AMMECR1L: variants seen among roughly 807,000 people sequenced by gnomAD.
AMMECR1L encodes the protein AMMECR1-like protein.
AMMECR1L carries 4 observed loss-of-function variants against 36.8 expected under a neutral mutation model. The ratio of observed to expected loss-of-function variants is 0.11; its 90% confidence interval spans 0.05 to 0.25. The LOEUF is 0.25. AMMECR1L is among the 10% of genes least tolerant of loss of function. The pLI is 1.00. For synonymous variants in AMMECR1L, 147 were observed against 148.0 expected (o/e 0.99, Z 0.05); for missense variants, 232 against 392.1 (o/e 0.59, Z 3.45).
At chr2:127,879,640 C>A (rs1050125377) in intron 2 of AMMECR1L, among the ~76,000 whole-genome samples, 5 of 152,130 alleles carry the variant, frequency 3.3e-5, no homozygotes, top group Admixed American at 2.0e-4. Context: ...TAAACATCAA[C>A]CACTATCAAC....
At position 127,870,940 on chromosome 2, in the gene AMMECR1L, C is replaced by G; in HGVS notation, c.519-12G>C. The G allele has an allele frequency of 6.2e-7, 1 of 1,601,068 alleles. No individual in the cohort carries two copies. Among genetic ancestry groups the G allele is most frequent in the Non-Finnish European group, 8.5e-7 (1 of 1,171,748 alleles). On this transcript the variant is annotated splice_polypyrimidine_tract_variant and intron_variant, in intron 4 of 7. Transcript: ENST00000272647. ...TGTCCTTAAGTGCACTGGAGGGGGA[C>G]AGAAAACATAGGTAAGGCTGCTCTG...
At chr2:127,885,629 C>T (rs1296875467) in intron 1 of AMMECR1L, 181 bp downstream of exon 1, 4 of 983,474 alleles carry the variant, frequency 4.1e-6, no homozygotes, top group East Asian at 2.3e-4. Context: ...GAGGCCCCGC[C>T]CGCCGCCCGG....
At chr2:127,877,553 C>CT (rs1188712495) in intron 2 of AMMECR1L, among the ~76,000 whole-genome samples, 1 of 152,090 alleles carries the variant, frequency 6.6e-6, no homozygotes, top group Admixed American at 6.6e-5. Context: ...CCAGGCTGGT[C>CT]TTGAACTCCT....
rs1352984970 is a variant in AMMECR1L at position 127,872,722 on chromosome 2, G to C, written c.407+1106C>G. 2.0e-5 allele frequency among the ~76,000 whole-genome samples: 3 copies of C among 152,264 alleles called. No homozygotes were observed. The South Asian group carries it at 6.2e-4, about 32-fold the overall frequency. Reference sequence around the variant, plus strand: ...ATTGCCTGCAGGATGGAAATGCAAAGCCTTGAATACAACAGTCTAAACCTT... The same window carrying C: ...ATTGCCTGCAGGATGGAAATGCAAACCCTTGAATACAACAGTCTAAACCTT... On this transcript the variant is annotated intron_variant, in intron 3 of 7. Coordinates refer to ENST00000272647, the MANE Select transcript of AMMECR1L (RefSeq NM_001199140.2).
At chr2:127,867,690 G>T (rs1690752334) in intron 6 of AMMECR1L, among the ~76,000 whole-genome samples, 1 of 152,026 alleles carries the variant, frequency 6.6e-6, no homozygotes, top group Non-Finnish European at 1.5e-5. Flanking sequence ...AGACTGCAGT[G>T]AGCCAGGATC....
intron 6 of AMMECR1L, among the ~76,000 whole-genome samples, chr2:127,867,919 C>A (rs899911670): frequency 1.4e-4 from 21 of 152,344 alleles, no homozygotes; most frequent in African/African-American, 4.8e-4. Flanking sequence ...GTCACCCAGG[C>A]TGAAGCGCAG....
Position 127,874,332 on chromosome 2 carries a change from AC to A in AMMECR1L, c.-38-61del. On this transcript the variant is annotated intron_variant, in intron 2 of 7. Coordinates refer to ENST00000272647, the MANE Select transcript of AMMECR1L (RefSeq NM_001199140.2). The surrounding 1 kb of genome is among the most constrained non-coding windows in gnomAD (Gnocchi z 5.2). ...TGGTTAGTTAAAAGGAGAGGAAAAA[AC>A]ATCAAAGATAGAGAGTCTGCATTGA... 1 of 1,467,456 alleles carries A rather than the reference AC, an allele frequency of 6.8e-7. No individual in the cohort carries two copies. The highest frequency in any genetic ancestry group is 9.1e-7 in the Non-Finnish European group (1 of 1,094,016). The allele number at this position is 1,467,456 out of a possible 1,614,324, so 90.9% of individuals were successfully genotyped here.
chr2:127,875,520 A>AAATTAC (rs1462197797), intron 2 of AMMECR1L, among the ~76,000 whole-genome samples: 1 of 152,174 alleles, frequency 6.6e-6, no homozygotes. Context: ...TAAATTCTTC[A>AAATTAC]ACCTTTTAAA....
intron 3 of AMMECR1L, among the ~76,000 whole-genome samples, chr2:127,872,049 C>T (rs1168164745): frequency 6.6e-6 from 1 of 151,744 alleles, no homozygotes; most frequent in African/African-American, 2.4e-5. Context: ...ATTGGCTGGG[C>T]GTGGTGGCAG....
intron 2 of AMMECR1L, among the ~76,000 whole-genome samples, chr2:127,879,506 T>A (rs752258579): frequency 1.6e-4 from 25 of 152,188 alleles, no homozygotes; most frequent in Non-Finnish European, 2.5e-4. Flanking sequence ...CCTGAGCCAA[T>A]TAAGCCTTTT....
At chr2:127,866,113 A>G (rs1350138102) in intron 7 of AMMECR1L, among the ~76,000 whole-genome samples, 1 of 152,212 alleles carries the variant, frequency 6.6e-6, no homozygotes, top group Non-Finnish European at 1.5e-5. Flanking sequence ...CTGTGAGATT[A>G]GTATATGATT....
Position 127,869,438 on chromosome 2 carries a change from C to G in AMMECR1L, c.724+16G>C. The G allele has an allele frequency of 6.2e-7, 1 of 1,600,488 alleles. No individual in the cohort carries two copies. The highest frequency in any genetic ancestry group is 8.6e-7 in the Non-Finnish European group (1 of 1,167,548). ...TGAATGATACTTGTCATTAAAATCC[C>G]ATTCATCCAACTCACCTTGTTCCTT... is the stretch of plus-strand genomic sequence containing the variant. On this transcript the variant is annotated intron_variant, in intron 6 of 7. Transcript: ENST00000272647. The surrounding 1 kb of genome is among the most constrained non-coding windows in gnomAD (Gnocchi z 4.7).
Position 127,862,849 on chromosome 2 carries a change from T to C in AMMECR1L, c.*2245A>G, listed in dbSNP as rs963004774. 1 of 151,922 alleles carries C rather than the reference T, an allele frequency of 6.6e-6. No homozygotes were observed. The highest frequency in any genetic ancestry group is 1.5e-5 in the Non-Finnish European group (1 of 67,992). 9.4% of individuals were successfully genotyped at this position (151,922 alleles called of 1,614,324 possible). ...TCTATTCATTTTCTTAAATGGCAGG[T>C]ATCGTACCCCCCCTCGATAAAATAA... On this transcript the variant is annotated 3_prime_UTR_variant, in exon 8 of 8. Transcript: ENST00000272647.
chr2:127,869,612 T>A lies in AMMECR1L; in HGVS notation c.634-68A>T. 7.7e-7 allele frequency: 1 copy of A among 1,291,106 alleles called. No homozygotes were observed. The highest frequency in any genetic ancestry group is 1.1e-6 in the Non-Finnish European group (1 of 888,172). 80.0% of individuals were successfully genotyped at this position (1,291,106 alleles called of 1,614,324 possible). On this transcript the variant is annotated intron_variant, in intron 5 of 7. Transcript: ENST00000272647. The surrounding 1 kb of genome is among the most constrained non-coding windows in gnomAD (Gnocchi z 4.7). ...CTAATGGAACTTCAGTCCCCACATA[T>A]AAATCAACATTGTTCCCTGACCAGC...
chr2:127,862,159 A>C lies in AMMECR1L; in HGVS notation c.*2935T>G, dbSNP rs530015419. ...TTCATAATTACAGAGAGAATGTCCT[A>C]GCTGTGGGTATTATGAGACAAGCCA... On this transcript the variant is annotated 3_prime_UTR_variant, in exon 8 of 8. Coordinates refer to ENST00000272647, the MANE Select transcript of AMMECR1L (RefSeq NM_001199140.2). 5.2e-5 allele frequency: 8 copies of C among 153,884 alleles called. No individual in the cohort carries two copies. In the East Asian group the frequency reaches 1.3e-3, roughly 26 times the overall value. The allele number at this position is 153,884 out of a possible 1,614,324, so 9.5% of individuals were successfully genotyped here.
intron 2 of AMMECR1L, among the ~76,000 whole-genome samples, chr2:127,877,762 T>C (rs2104771721): frequency 6.6e-6 from 1 of 152,234 alleles, no homozygotes; most frequent in East Asian, 1.9e-4. Context: ...AAAAAATAAA[T>C]AAATAAATTC....
In AMMECR1L at chr2:127,873,265, T is replaced by C; in HGVS notation, c.407+563A>G. 1.0e-6 allele frequency: 1 copy of C among 985,448 alleles called. No individual in the cohort carries two copies. The highest frequency in any genetic ancestry group is 1.2e-6 in the Non-Finnish European group (1 of 829,938). The allele number at this position is 985,448 out of a possible 1,614,324, so 61.0% of individuals were successfully genotyped here. On this transcript the variant is annotated intron_variant, in intron 3 of 7. Coordinates refer to ENST00000272647, the MANE Select transcript of AMMECR1L (RefSeq NM_001199140.2). This position sits in a 1 kb window ranked among gnomAD's most constrained non-coding sequence, Gnocchi z 5.2. ...TGCTTATTTAAGTCACTGAGACCAGTAGAGGGCTTGGGACAAGCAACAAAG... is the reference window on the plus strand; with the variant it reads ...TGCTTATTTAAGTCACTGAGACCAGCAGAGGGCTTGGGACAAGCAACAAAG...
chr2:127,879,925 G>A (rs775850450), intron 2 of AMMECR1L, among the ~76,000 whole-genome samples: 7 of 152,138 alleles, frequency 4.6e-5, no homozygotes, highest in Admixed American at 2.6e-4. Flanking sequence ...ATCTGTGCCC[G>A]CCAAACTTCC....
chr2:127,872,645 C>T lies in AMMECR1L; in HGVS notation c.407+1183G>A, dbSNP rs938492817. Reference sequence around the variant, plus strand: ...CAATAAAGCACCTGCACAGCACCAGCCAAAGCTGCAGCCCCAAAGCCTACT... The same window carrying T: ...CAATAAAGCACCTGCACAGCACCAGTCAAAGCTGCAGCCCCAAAGCCTACT... On this transcript the variant is annotated intron_variant, in intron 3 of 7. Coordinates refer to ENST00000272647, the MANE Select transcript of AMMECR1L (RefSeq NM_001199140.2). 2.6e-5 allele frequency among the ~76,000 whole-genome samples: 4 copies of T among 152,350 alleles called. No individual in the cohort carries two copies. In the East Asian group the frequency reaches 5.8e-4, roughly 22 times the overall value.
Sources: gnomAD v4.1 joint callset for allele counts (sites outside exome capture counted in the v4.1 genomes callset) on GRCh38, gnomAD v4.1.1 for gene constraint, Gnocchi (gnomAD v3.1) non-coding constraint, MANE v1.5 for transcripts, NCBI Gene and HGNC (gene_info 2026-07-23, HGNC 2026-07-21) for gene names.